The following ADA variants were observed in gnomAD, a reference collection of about 807,000 sequenced individuals.
ADA encodes the protein adenosine deaminase.
Under a neutral mutation model 49.0 loss-of-function variants are expected in ADA, and 45 were observed. That is an observed-to-expected ratio of 0.92 (90% CI 0.72 to 1.18). The LOEUF is 1.18. ADA is among the 50% of genes most tolerant of loss of function. ADA has a pLI of 0.00. For missense variants in ADA, 445 were observed against 472.5 expected, an observed-to-expected ratio of 0.94 and a Z score of 0.54; for synonymous variants, 173 against 184.2, an observed-to-expected ratio of 0.94 and a Z score of 0.49.
In ADA at chr20:44,619,591, G is replaced by A. The variant is rs977829038; in HGVS notation, c.*243C>T. On this transcript the variant is annotated 3_prime_UTR_variant, in exon 12 of 12. Transcript: ENST00000372874. Reference sequence around the variant, plus strand: ...CAGTACAAGTTGCCACAGAAGGAGGGTTTCAGATTCAACCATGCCCATGTG... The same window carrying A: ...CAGTACAAGTTGCCACAGAAGGAGGATTTCAGATTCAACCATGCCCATGTG... 1 of 526,334 alleles carries A rather than the reference G, an allele frequency of 1.9e-6. No homozygotes were observed. The highest frequency in any genetic ancestry group is 1.9e-5 in the African/African-American group (1 of 52,102). 32.6% of individuals were successfully genotyped at this position (526,334 alleles called of 1,614,324 possible).
intron 1 of ADA, among the ~76,000 whole-genome samples, chr20:44,637,062 C>T (rs1211525873): frequency 6.6e-6 from 1 of 152,198 alleles, no homozygotes; most frequent in Non-Finnish European, 1.5e-5. Context: ...ACCTCAGCCT[C>T]CCAAAGTGCT....
chr20:44,646,342 G>A (rs1000477794), intron 1 of ADA, among the ~76,000 whole-genome samples: 2 of 152,200 alleles, frequency 1.3e-5, no homozygotes, highest in African/African-American at 4.8e-5. Context: ...AGTCAAAATG[G>A]GTAAGGCAGG....
chr20:44,622,351 A>G (rs1346702734), intron 9 of ADA, among the ~76,000 whole-genome samples: 1 of 152,192 alleles, frequency 6.6e-6, no homozygotes, highest in East Asian at 1.9e-4. Flanking sequence ...CCAGCTGATG[A>G]GCTGTAGGGC....
At chr20:44,621,497 AC>A (rs2065331649) in intron 9 of ADA, among the ~76,000 whole-genome samples, 1 of 151,826 alleles carries the variant, frequency 6.6e-6, no homozygotes, top group African/African-American at 2.4e-5. Context: ...TCCCCTCTGC[AC>A]CCTACCCTGC....
chr20:44,624,011 G>T lies in ADA; in HGVS notation c.606+191C>A, dbSNP rs1313265845. On this transcript the variant is annotated intron_variant, in intron 6 of 11. Transcript: ENST00000372874. Reference sequence around the variant, plus strand: ...ATCCTCCTGCCTCGCCTCCCAAAGTGCTGGGATCACAGGCATGAACCACCA... The same window carrying T: ...ATCCTCCTGCCTCGCCTCCCAAAGTTCTGGGATCACAGGCATGAACCACCA... 5.4e-6 allele frequency: 4 copies of T among 747,512 alleles called. No homozygotes were observed. In the South Asian group the frequency reaches 6.0e-5, roughly 11 times the overall value. 46.3% of individuals were successfully genotyped at this position (747,512 alleles called of 1,614,324 possible).
At chr20:44,623,193 AT>A in intron 6 of ADA, 115 bp from the exon 7 acceptor site, 1 of 1,489,144 alleles carries the variant, frequency 6.7e-7, no homozygotes, top group Non-Finnish European at 9.1e-7. Context: ...CTTCAACAGC[AT>A]GGGGAAACCT....
chr20:44,651,216 C>T (rs1229950324), intron 1 of ADA, among the ~76,000 whole-genome samples: 1 of 152,220 alleles, frequency 6.6e-6, no homozygotes, highest in East Asian at 1.9e-4. Flanking sequence ...AGGTGCCTAT[C>T]CGGCGTAGAC....
At chr20:44,620,271 C>G (rs766492187) in intron 11 of ADA, 28 bp downstream of exon 11, 6 of 1,590,206 alleles carry the variant, frequency 3.8e-6, no homozygotes, top group Non-Finnish European at 5.2e-6. Flanking sequence ...GACAGGGCAA[C>G]TGCCCAGAAG....
intron 1 of ADA, among the ~76,000 whole-genome samples, chr20:44,643,901 C>T (rs557629285): frequency 2.1e-4 from 32 of 152,202 alleles, no homozygotes; most frequent in African/African-American, 7.7e-4. Context: ...CACTAAGTCC[C>T]TGCTCTCAAG....
chr20:44,620,501 G>T, intron 10 of ADA, 100 bp from the exon 11 acceptor site: 2 of 983,160 alleles, frequency 2.0e-6, no homozygotes, highest in South Asian at 1.3e-5. Flanking sequence ...AACATGGGCA[G>T]ATACGCTTAG....
chr20:44,622,573 G>A lies in ADA; in HGVS notation c.845+15C>T, dbSNP rs1418492833. 1.3e-5 allele frequency: 21 copies of A among 1,614,106 alleles called. No individual in the cohort carries two copies. Among genetic ancestry groups the A allele is most frequent in the Non-Finnish European group, 1.8e-5 (21 of 1,180,048 alleles). The stretch of plus-strand genomic sequence containing the variant: ...CTGGAACAAAATTGAACAGGCCCAG[G>A]GGAACAGAGCTCACCGAATGACTGC... On this transcript the variant is annotated intron_variant, in intron 9 of 11. Coordinates refer to ENST00000372874, the MANE Select transcript of ADA (RefSeq NM_000022.4).
intron 1 of ADA, among the ~76,000 whole-genome samples, chr20:44,647,361 G>T (rs554953248): frequency 6.6e-6 from 1 of 152,058 alleles, no homozygotes; most frequent in African/African-American, 2.4e-5. Context: ...ACTTGAACCT[G>T]GGAGGCGAAG....
At position 44,650,833 on chromosome 20, in the gene ADA, A is replaced by C. The variant is rs140186204; in HGVS notation, c.33+742T>G. On this transcript the variant is annotated intron_variant, in intron 1 of 11. Transcript: ENST00000372874. ...TACTGGCTGACTCACCCTGCTTGGC[A>C]GACTCCTGGGCCCCTCCTCTCGGAC... Among the ~76,000 whole-genome samples, 15 of 152,258 alleles carry C rather than the reference A, an allele frequency of 9.9e-5. No homozygotes were observed. The East Asian group carries it at 2.9e-3, about 29-fold the overall frequency.
At chr20:44,645,357 CAAAAAA>C (rs11480982) in intron 1 of ADA, among the ~76,000 whole-genome samples, 2 of 58,454 alleles carry the variant, frequency 3.4e-5, no homozygotes, top group Admixed American at 1.8e-4. Flanking sequence ...GACTCCAGCT[CAAAAAA>C]AAAAAAAAAA....
At position 44,626,498 on chromosome 20, in the gene ADA, A is replaced by G. The variant is rs121908739; in HGVS notation, c.320T>C (p.Leu107Pro). Reference sequence around the variant, plus strand: ...GATTGGCTCCACTTTGGAGTTGGCCAGCAGGTGCGGACTGTACCGCACCTC... The same window carrying G: ...GATTGGCTCCACTTTGGAGTTGGCCGGCAGGTGCGGACTGTACCGCACCTC... ...YVEVRYSPHL[L>P]ANSKVEPIPW... Residue 107 changes from leucine (L) to proline (P), a missense_variant, in exon 4 of 12, where the codon CTG becomes CCG. Leu to Pro is a moderately conservative substitution (Grantham distance 98). Transcript: ENST00000372874. 94 of 1,614,042 alleles carry G rather than the reference A, an allele frequency of 5.8e-5. No individual in the cohort carries two copies. Among genetic ancestry groups the G allele is most frequent in the Admixed American group, 3.3e-4 (20 of 60,002 alleles).
At chr20:44,648,221 C>G (rs427224) in intron 1 of ADA, among the ~76,000 whole-genome samples, 33,916 of 152,012 alleles carry the variant, frequency 0.22, 4,784 homozygotes, top group Admixed American at 0.32. Context: ...ACCCCCCTTT[C>G]CACTTCTTCC....
At chr20:44,630,745 G>A (rs1032211028) in intron 2 of ADA, among the ~76,000 whole-genome samples, 20 of 152,184 alleles carry the variant, frequency 1.3e-4, no homozygotes, top group East Asian at 1.9e-4. Flanking sequence ...ATAGGAGGCC[G>A]GGTGCAGTGG....
rs745867227 is a variant in ADA, at chr20:44,619,701, CAT to C, written c.*131_*132del. The C allele has an allele frequency of 5.7e-5, 69 of 1,215,412 alleles. No individual in the cohort carries two copies. The highest frequency in any genetic ancestry group is 7.2e-5 in the Non-Finnish European group (59 of 824,812). 75.3% of individuals were successfully genotyped at this position (1,215,412 alleles called of 1,614,324 possible). The stretch of plus-strand genomic sequence containing the variant: ...GTATACGTGTGTGCAGAAATGGACA[CAT>C]AGGGTTCAGGAGCATCAGTAACTGA... On this transcript the variant is annotated 3_prime_UTR_variant, in exon 12 of 12. Coordinates refer to ENST00000372874, the MANE Select transcript of ADA (RefSeq NM_000022.4).
At chr20:44,645,123 T>C (rs904097731) in intron 1 of ADA, among the ~76,000 whole-genome samples, 6 of 152,002 alleles carry the variant, frequency 3.9e-5, no homozygotes, top group African/African-American at 1.2e-4. Context: ...TGGCTCACTC[T>C]TGAAATCCCA....
Sources: gnomAD v4.1 joint callset for allele counts (sites outside exome capture counted in the v4.1 genomes callset) on GRCh38, gnomAD v4.1.1 for gene constraint, MANE v1.5 for transcripts, NCBI Gene and HGNC (gene_info 2026-07-23, HGNC 2026-07-21) for gene names.